The following TOM1 variants were observed in gnomAD, a reference collection of about 807,000 sequenced individuals.
TOM1 encodes target of myb1 membrane trafficking protein.
Under a neutral mutation model 61.3 loss-of-function variants are expected in TOM1, and 38 were observed. The observed-to-expected ratio is 0.62, with a 90% CI of 0.48 to 0.81. The LOEUF (loss-of-function observed/expected upper bound fraction) is 0.81. Among genes scored for constraint, TOM1 ranks in the 40% least tolerant of loss-of-function variants. The pLI is 0.00. For synonymous variants in TOM1, 270 were observed against 268.8 expected (o/e 1.00, Z -0.04); for missense variants, 591 against 659.6 (o/e 0.90, Z 1.14).
upstream of TOM1, chr22:35,299,873 C>T: frequency 1.3e-6 from 2 of 1,549,996 alleles, no homozygotes; most frequent in Non-Finnish European, 1.7e-6. Flanking sequence ...GGGTCGGTGG[C>T]GCTGGCGGTT....
intron 1 of TOM1, among the ~76,000 whole-genome samples, chr22:35,303,074 A>G (rs925091190): frequency 6.6e-6 from 1 of 151,878 alleles, no homozygotes; most frequent in Non-Finnish European, 1.5e-5. Context: ...TAATGATGCT[A>G]ATCAGGAATG....
chr22:35,321,879 C>A, intron 2 of TOM1, 80 bp from the exon 3 acceptor site: 2 of 1,217,408 alleles, frequency 1.6e-6, no homozygotes, highest in East Asian at 2.3e-5. Context: ...CCAATAAGAA[C>A]TGTTCCAACT....
At chr22:35,322,063 T>C (rs761519247) in intron 3 of TOM1, 26 bp downstream of exon 3, 1 of 1,607,276 alleles carries the variant, frequency 6.2e-7, no homozygotes. Context: ...GTCTGTCCTG[T>C]GGCAGGACTA....
At chr22:35,303,131 A>AACACACACACACACACACACAC (rs138739) in intron 1 of TOM1, among the ~76,000 whole-genome samples, 179 of 149,274 alleles carry the variant, frequency 1.2e-3, no homozygotes, top group African/African-American at 4.3e-3. Context: ...CTCCCCTCCC[A>AACACACACACACACACACACAC]ACACACACAC....
intron 1 of TOM1, among the ~76,000 whole-genome samples, chr22:35,304,590 T>G (rs1213523372): frequency 6.6e-6 from 1 of 152,230 alleles, no homozygotes; most frequent in African/African-American, 2.4e-5. Flanking sequence ...GCCATTCTCC[T>G]GCCTCAGCCT....
chr22:35,304,196 G>A (rs936115890), intron 1 of TOM1, among the ~76,000 whole-genome samples: 1 of 152,056 alleles, frequency 6.6e-6, no homozygotes, highest in Non-Finnish European at 1.5e-5. Context: ...TCACCACACT[G>A]CCTCGAGCTG....
chr22:35,300,881 A>G (rs191314169), intron 1 of TOM1, among the ~76,000 whole-genome samples: 1 of 146,030 alleles, frequency 6.8e-6, no homozygotes, highest in African/African-American at 2.4e-5. Context: ...TGCCTGGTAC[A>G]TGGCCAGTGC....
At position 35,346,939 on chromosome 22, in the gene TOM1, G is replaced by T; in HGVS notation, c.1294G>T (p.Ala432Ser). Reference sequence around the variant, plus strand: ...CCTTCTACCTTCCCAGGGTAATGATGCGGAAGAGCCTAAGGGGGTCACCAG... The same window carrying T: ...CCTTCTACCTTCCCAGGGTAATGATTCGGAAGAGCCTAAGGGGGTCACCAG... ...QWLSTDVGND[A>S]EEPKGVTSEE... Residue 432 changes from alanine (A) to serine (S), a missense_variant, in exon 14 of 15, where the codon GCG becomes TCG. Transcript: ENST00000449058. 1 of 1,612,620 alleles carries T rather than the reference G, an allele frequency of 6.2e-7. No individual in the cohort carries two copies. The highest frequency in any genetic ancestry group is 1.1e-5 in the South Asian group (1 of 91,006).
intron 1 of TOM1, among the ~76,000 whole-genome samples, chr22:35,314,213 G>A (rs950110276): frequency 9.7e-6 from 1 of 103,570 alleles, no homozygotes; most frequent in Non-Finnish European, 2.6e-5. Flanking sequence ...GATGGTCTGG[G>A]CAGATGTCCC....
intron 3 of TOM1, 83 bp downstream of exon 3, chr22:35,322,120 C>A: frequency 1.6e-6 from 2 of 1,272,190 alleles, no homozygotes; most frequent in Non-Finnish European, 2.3e-6. Flanking sequence ...GGACTCCCAG[C>A]CTCCTCTGAG....
chr22:35,324,778 G>C (rs543596111), intron 6 of TOM1, among the ~76,000 whole-genome samples: 1 of 152,304 alleles, frequency 6.6e-6, no homozygotes, highest in South Asian at 2.1e-4. Context: ...TCGAACTCCT[G>C]AGCTCAAGTG....
intron 1 of TOM1, among the ~76,000 whole-genome samples, chr22:35,307,329 T>G (rs138766): frequency 0.51 from 77,377 of 152,118 alleles, 22,717 homozygotes; most frequent in Non-Finnish European, 0.65. Context: ...GTTCGTGTTT[T>G]TTTCCTATCC....
chr22:35,314,276 C>T (rs769210403), intron 1 of TOM1, among the ~76,000 whole-genome samples: 3 of 152,152 alleles, frequency 2.0e-5, no homozygotes, highest in African/African-American at 2.4e-5. Flanking sequence ...TGCCTTGTCC[C>T]GATTTTGTCT....
chr22:35,333,887 T>G (rs1424672599), intron 10 of TOM1, among the ~76,000 whole-genome samples: 1 of 152,226 alleles, frequency 6.6e-6, no homozygotes, highest in African/African-American at 2.4e-5. Flanking sequence ...GGTTGCACTC[T>G]GGCTGAGTAG....
intron 7 of TOM1, among the ~76,000 whole-genome samples, chr22:35,328,647 G>C (rs1250874810): frequency 6.6e-6 from 1 of 152,196 alleles, no homozygotes; most frequent in Non-Finnish European, 1.5e-5. Flanking sequence ...GAGCCCACAG[G>C]ATGTTGAAAG....
In TOM1 at chr22:35,333,467, G is replaced by C. The variant is rs557799756; in HGVS notation, c.997G>C (p.Gly333Arg). The C allele has an allele frequency of 1.2e-6, 2 of 1,614,158 alleles. No homozygotes were observed. The highest frequency in any genetic ancestry group is 8.5e-7 in the Non-Finnish European group (1 of 1,180,018). ...IDMGPDPAAT[G>R]NLSSQLAGMN... The stretch of plus-strand genomic sequence containing the variant: ...CATGGGCCCTGACCCAGCAGCCACC[G>C]GCAACCTCTCATCCCAGCTGGCAGG... Residue 333 changes from glycine to arginine, a missense_variant, in exon 10 of 15, where the codon GGC becomes CGC. By Grantham distance (125) the Gly-to-Arg change is moderately radical. Coordinates refer to ENST00000449058, the MANE Select transcript of TOM1 (RefSeq NM_005488.3).
chr22:35,344,289 T>TG (rs762068881), intron 12 of TOM1: 1 of 152,474 alleles, frequency 6.6e-6, no homozygotes, highest in Non-Finnish European at 1.5e-5. Context: ...CCCGGAAAGC[T>TG]GGGGGTGCTC....
intron 1 of TOM1, among the ~76,000 whole-genome samples, chr22:35,305,722 A>G (rs1468989376): frequency 1.3e-5 from 2 of 151,990 alleles, no homozygotes; most frequent in East Asian, 3.9e-4. Context: ...GCAGGGCTCC[A>G]AGGGCATGGT....
chr22:35,345,870 A>G lies in TOM1; in HGVS notation c.1284+86A>G, dbSNP rs133399. ...TGACCCATGGGGCCAGGGTAGACTT[A>G]TATAGCATATAGCACCCTGAGAGCA... is the stretch of plus-strand genomic sequence containing the variant. On this transcript the variant is annotated intron_variant, in intron 13 of 14. Transcript: ENST00000449058. 0.54 allele frequency: 748,576 copies of G among 1,386,202 alleles called. 208,200 individuals carry two copies. The highest frequency in any genetic ancestry group is 0.91 in the African/African-American group (64,690 of 71,082). 85.9% of individuals were successfully genotyped at this position (1,386,202 alleles called of 1,614,324 possible).
Sources: allele counts gnomAD v4.1 joint callset (sites outside exome capture counted in the v4.1 genomes callset), GRCh38; gene constraint gnomAD v4.1.1; transcripts MANE v1.5; gene names NCBI Gene and HGNC (gene_info 2026-07-23, HGNC 2026-07-21).